BTG4: variants seen among roughly 807,000 people sequenced by gnomAD.
BTG4 encodes protein BTG4.
BTG4 carries 10 observed loss-of-function variants against 19.3 expected under a neutral mutation model. The observed-to-expected ratio is 0.52, with a 90% CI of 0.32 to 0.88. The LOEUF (loss-of-function observed/expected upper bound fraction) is 0.88, where lower values mean the gene tolerates loss of function less well. Among genes scored for constraint, BTG4 ranks in the 40% least tolerant of loss-of-function variants. The probability of loss-of-function intolerance (pLI) is 0.04; values close to 1 mark genes in which losing one functional copy is unlikely to be tolerated. For missense variants in BTG4, 238 were observed against 281.9 expected, an observed-to-expected ratio of 0.84 and a Z score of 1.11; for synonymous variants, 91 against 95.7, an observed-to-expected ratio of 0.95 and a Z score of 0.29.
At chr11:111,441,551 C>A in the BTG4 span, among the ~76,000 whole-genome samples, 2 of 152,208 alleles carry the variant, frequency 1.3e-5, no homozygotes. Flanking sequence ...TACGGATTGA[C>A]TTCTCTGTCC....
chr11:111,432,237 C>T, the BTG4 span, among the ~76,000 whole-genome samples: 2 of 152,290 alleles, frequency 1.3e-5, no homozygotes, highest in South Asian at 4.1e-4. Flanking sequence ...TGTGGAGCCA[C>T]GTGAAGGAGT....
chr11:111,447,186 C>A, the BTG4 span, among the ~76,000 whole-genome samples: 379 of 152,336 alleles, frequency 2.5e-3, no homozygotes, highest in African/African-American at 8.9e-3. Flanking sequence ...TCTCCACCAC[C>A]TGCTGAATGC....
intron 1 of BTG4, among the ~76,000 whole-genome samples, chr11:111,505,075 T>C (rs1308536002): frequency 6.6e-6 from 1 of 151,838 alleles, no homozygotes; most frequent in African/African-American, 2.4e-5. Flanking sequence ...GCAATCCCTA[T>C]CCAATTACCA....
the BTG4 span, among the ~76,000 whole-genome samples, chr11:111,448,183 C>T: frequency 3.0e-3 from 451 of 152,272 alleles, 3 homozygotes; most frequent in African/African-American, 0.01. Context: ...GGGAATGAGA[C>T]GCCTCGTGCA....
chr11:111,505,460 T>C (rs1256044867), intron 1 of BTG4, among the ~76,000 whole-genome samples: 2 of 152,024 alleles, frequency 1.3e-5, no homozygotes, highest in African/African-American at 2.4e-5. Context: ...TCTTAACATA[T>C]ACAAAATTAA....
chr11:111,490,884 TG>T (rs1865375795), downstream of BTG4, among the ~76,000 whole-genome samples: 4 of 152,256 alleles, frequency 2.6e-5, no homozygotes, highest in African/African-American at 7.2e-5. Flanking sequence ...TGCACTCATA[TG>T]TTTTTATTTC....
chr11:111,438,487 C>T, the BTG4 span, among the ~76,000 whole-genome samples: 1 of 152,294 alleles, frequency 6.6e-6, no homozygotes, highest in South Asian at 2.1e-4. Context: ...CAAAGCCAGG[C>T]ACTCTCATGG....
At chr11:111,493,097 G>C (rs756909650), downstream of BTG4, among the ~76,000 whole-genome samples, 1 of 152,144 alleles carries the variant, frequency 6.6e-6, no homozygotes, top group Non-Finnish European at 1.5e-5. Flanking sequence ...AGTGAGCCAA[G>C]ATCTCGCCAC....
the BTG4 span, among the ~76,000 whole-genome samples, chr11:111,418,393 C>T: frequency 3.3e-5 from 5 of 152,168 alleles, no homozygotes; most frequent in African/African-American, 1.2e-4. Context: ...TTAGGCTTGG[C>T]CATCATCATC....
chr11:111,488,188 A>G (rs1050840809), intron 5 of BTG4, among the ~76,000 whole-genome samples: 8 of 152,234 alleles, frequency 5.3e-5, no homozygotes, highest in Admixed American at 4.6e-4. Flanking sequence ...GAATTATGTA[A>G]CCTGACTTCA....
the BTG4 span, among the ~76,000 whole-genome samples, chr11:111,392,169 CTTTTTTTTTT>C: frequency 7.0e-5 from 6 of 85,450 alleles, no homozygotes; most frequent in South Asian, 4.9e-4. Context: ...CTGTGATTTT[CTTTTTTTTTT>C]TTTTTTTTTT....
chr11:111,434,321 T>C, the BTG4 span, among the ~76,000 whole-genome samples: 1 of 152,210 alleles, frequency 6.6e-6, no homozygotes, highest in African/African-American at 2.4e-5. Flanking sequence ...AAACATCACA[T>C]GTTCTCACTC....
At chr11:111,388,410 C>G in the BTG4 span, among the ~76,000 whole-genome samples, 1 of 151,642 alleles carries the variant, frequency 6.6e-6, no homozygotes, top group Admixed American at 6.6e-5. Flanking sequence ...AAACACTAGT[C>G]CTTCCTTTTT....
In BTG4 at chr11:111,497,330, T is replaced by C; in HGVS notation, c.391A>G (p.Ser131Gly). Residue 131 changes from serine to glycine, a missense_variant, in exon 4 of 5, where the codon AGT (serine) becomes GGT (glycine). Physicochemically the swap from Ser to Gly is moderately conservative, Grantham distance 56 (BLOSUM62 0). Coordinates refer to ENST00000692032, the MANE Select transcript of BTG4 (RefSeq NM_001367975.1). ...GATGAGGCTCTACTAACGGCATAACTGATTTGTTGATATAGTTCCCATTCC... is the reference window on the plus strand; with the variant it reads ...GATGAGGCTCTACTAACGGCATAACCGATTTGTTGATATAGTTCCCATTCC... The part of the protein sequence containing the change: ...WEEWELYQQI[S>G]YAVSRASSDV... 1.3e-6 allele frequency: 2 copies of C among 1,576,832 alleles called. No homozygotes were observed. Among genetic ancestry groups the C allele is most frequent in the Non-Finnish European group, 1.7e-6 (2 of 1,165,762 alleles).
At chr11:111,406,939 C>T in the BTG4 span, among the ~76,000 whole-genome samples, 1 of 152,154 alleles carries the variant, frequency 6.6e-6, no homozygotes, top group East Asian at 1.9e-4. Context: ...CCTACTCTTG[C>T]TCTTACTACA....
At chr11:111,454,285 A>G in the BTG4 span, 1 of 456,514 alleles carries the variant, frequency 2.2e-6, no homozygotes, top group Non-Finnish European at 4.4e-6. Flanking sequence ...GGTTTGACAC[A>G]GAGGCCTTCT....
intron 5 of BTG4, among the ~76,000 whole-genome samples, chr11:111,488,421 T>C (rs1283894347): frequency 2.0e-5 from 3 of 152,216 alleles, no homozygotes; most frequent in Admixed American, 2.0e-4. Context: ...ACTAGACCAC[T>C]ATCTCTTGCC....
chr11:111,459,564 T>G, the BTG4 span: 2 of 151,570 alleles, frequency 1.3e-5, no homozygotes, highest in African/African-American at 4.8e-5. Context: ...TGGAAAGACT[T>G]CAGGGTGATG....
the BTG4 span, among the ~76,000 whole-genome samples, chr11:111,413,920 C>G: frequency 0.029 from 4,485 of 152,264 alleles, 100 homozygotes; most frequent in Middle Eastern, 0.13. Flanking sequence ...TTACAACTGG[C>G]GTAGCTCCAG....
Sources: allele counts gnomAD v4.1 joint callset (sites outside exome capture counted in the v4.1 genomes callset), GRCh38; gene constraint gnomAD v4.1.1; transcripts MANE v1.5; gene names NCBI Gene and HGNC (gene_info 2026-07-23, HGNC 2026-07-21).